Variants in CASS4 observed in about 807,000 individuals in gnomAD.
CASS4 encodes Cas scaffold protein family member 4.
CASS4 carries 22 observed loss-of-function variants against 54.2 expected under a neutral mutation model. The observed-to-expected ratio is 0.41, with a 90% CI of 0.29 to 0.58. CASS4 has a LOEUF of 0.58. Among genes scored for constraint, CASS4 ranks in the 20% least tolerant of loss-of-function variants. CASS4 has a pLI of 0.36. For missense variants in CASS4, 854 were observed against 986.7 expected, an observed-to-expected ratio of 0.87 and a Z score of 1.80; for synonymous variants, 409 against 391.5, an observed-to-expected ratio of 1.04 and a Z score of -0.53.
At chr20:56,436,334 A>ATG (rs1188295800) in intron 1 of CASS4, among the ~76,000 whole-genome samples, 95 of 138,752 alleles carry the variant, frequency 6.8e-4, no homozygotes, top group Middle Eastern at 3.6e-3. Context: ...ATTGCTATAT[A>ATG]TATGTGTGTG....
chr20:56,432,623 C>A (rs527370269), intron 1 of CASS4, among the ~76,000 whole-genome samples: 7 of 152,146 alleles, frequency 4.6e-5, no homozygotes, highest in Non-Finnish European at 1.0e-4. Flanking sequence ...ACGCTTTGGC[C>A]TCCCAAAATG....
intron 3 of CASS4, among the ~76,000 whole-genome samples, chr20:56,448,182 G>A (rs1354630257): frequency 6.6e-6 from 1 of 151,470 alleles, no homozygotes; most frequent in African/African-American, 2.4e-5. Context: ...AGACACACTT[G>A]TATGACTCAT....
At chr20:56,428,220 C>T (rs1021323900) in intron 1 of CASS4, among the ~76,000 whole-genome samples, 2 of 152,144 alleles carry the variant, frequency 1.3e-5, no homozygotes, top group African/African-American at 4.8e-5. Flanking sequence ...GTCAGGCGGG[C>T]TGTGAAAGAT....
In CASS4 at chr20:56,441,758, A is replaced by T. The variant is rs147762913; in HGVS notation, c.460-4142A>T. 8.8e-4 allele frequency among the ~76,000 whole-genome samples: 134 copies of T among 151,994 alleles called. 2 individuals carry two copies. The East Asian group carries it at 0.022, about 25-fold the overall frequency. On this transcript the variant is annotated intron_variant, in intron 2 of 5. Transcript: ENST00000679887. ...ACTGGGTGATTGGGGACCTCCCAACACCCTTTGTGTTTCTCCTTCCTCCTC... is the reference window on the plus strand; with the variant it reads ...ACTGGGTGATTGGGGACCTCCCAACTCCCTTTGTGTTTCTCCTTCCTCCTC...
intron 1 of CASS4, among the ~76,000 whole-genome samples, chr20:56,415,947 T>C (rs1180492710): frequency 1.3e-5 from 2 of 152,258 alleles, no homozygotes; most frequent in Non-Finnish European, 2.9e-5. Flanking sequence ...ATATTAGTGA[T>C]AGGAAACACT....
chr20:56,451,699 G>A, intron 4 of CASS4, 120 bp from the exon 5 acceptor site: 1 of 728,024 alleles, frequency 1.4e-6, no homozygotes, highest in Non-Finnish European at 2.3e-6. Context: ...AGGACCTTGA[G>A]TGGTAACAGA....
intron 2 of CASS4, among the ~76,000 whole-genome samples, chr20:56,440,164 C>G (rs1325512646): frequency 6.6e-6 from 1 of 152,178 alleles, no homozygotes; most frequent in African/African-American, 2.4e-5. Context: ...CTACAAACAC[C>G]AGGAGGAAGC....
intron 2 of CASS4, among the ~76,000 whole-genome samples, chr20:56,438,030 C>G (rs1456501838): frequency 6.6e-6 from 1 of 152,118 alleles, no homozygotes; most frequent in Admixed American, 6.5e-5. Flanking sequence ...TTACACCTAT[C>G]TATATTCCCA....
intron 3 of CASS4, among the ~76,000 whole-genome samples, chr20:56,448,725 C>G (rs936326538): frequency 6.6e-6 from 1 of 152,122 alleles, no homozygotes; most frequent in African/African-American, 2.4e-5. Flanking sequence ...GAATTTGTAA[C>G]CTGTTTTTTG....
At chr20:56,412,210 G>A, upstream of CASS4, 2 of 510,160 alleles carry the variant, frequency 3.9e-6, no homozygotes, top group East Asian at 7.1e-5. The surrounding 1 kb of genome is among the most constrained non-coding windows in gnomAD (Gnocchi z 4.2). Context: ...GTCAGGCATT[G>A]AGACGTGAGT....
chr20:56,456,324 T>A (rs769672311), intron 5 of CASS4, among the ~76,000 whole-genome samples: 3 of 152,132 alleles, frequency 2.0e-5, no homozygotes, highest in Non-Finnish European at 2.9e-5. Context: ...TATTTTCACT[T>A]AAGATGCTCA....
intron 1 of CASS4, among the ~76,000 whole-genome samples, chr20:56,436,672 C>T (rs1346443335): frequency 1.3e-5 from 2 of 152,066 alleles, no homozygotes; most frequent in Non-Finnish European, 2.9e-5. Context: ...AAAACAGGGC[C>T]ATGACCCAGG....
At chr20:56,440,223 T>G (rs1238358628) in intron 2 of CASS4, among the ~76,000 whole-genome samples, 1 of 152,166 alleles carries the variant, frequency 6.6e-6, no homozygotes, top group African/African-American at 2.4e-5. Context: ...AACTCTCTTT[T>G]CTGGAACAAC....
intron 1 of CASS4, among the ~76,000 whole-genome samples, chr20:56,428,066 A>G (rs1309041800): frequency 2.0e-5 from 3 of 152,170 alleles, no homozygotes; most frequent in African/African-American, 4.8e-5. Flanking sequence ...ACCTCCCACT[A>G]TGGACTGGTG....
rs935959013 is a variant in CASS4 at position 56,430,129 on chromosome 20, C to G, written c.37-7035C>G. ...AATGAATGAATTGCTCCCCAGATTT[C>G]TCCAAGTGCAGCTAAGACCACTGTA... On this transcript the variant is annotated intron_variant, in intron 1 of 5. Coordinates refer to ENST00000679887, the MANE Select transcript of CASS4 (RefSeq NM_020356.4). The surrounding 1 kb of genome is among the most constrained non-coding windows in gnomAD (Gnocchi z 4.2). 1.3e-5 allele frequency among the ~76,000 whole-genome samples: 2 copies of G among 152,220 alleles called. No individual in the cohort carries two copies. The highest frequency in any genetic ancestry group is 4.8e-5 in the African/African-American group (2 of 41,442).
chr20:56,449,861 G>C (rs951903854), intron 3 of CASS4, among the ~76,000 whole-genome samples: 2 of 151,978 alleles, frequency 1.3e-5, no homozygotes, highest in African/African-American at 4.8e-5. Flanking sequence ...AAATATGAAT[G>C]ATAAAACAGG....
rs35360819 is a variant in CASS4, at chr20:56,437,405, G to A, written c.278G>A (p.Ser93Asn). The change falls in exon 2 of 6, where the codon AGC becomes AAC. Residue 93 changes from serine (S) to asparagine (N), a missense_variant. Coordinates refer to ENST00000679887, the MANE Select transcript of CASS4 (RefSeq NM_020356.4). This position sits in a 1 kb window ranked among gnomAD's most constrained non-coding sequence, Gnocchi z 4.7. ...FLRGLEEAPA[S>N]SEETYQVPTL... Reference sequence around the variant, plus strand: ...AGAGGCCTGGAAGAAGCTCCTGCCAGCTCAGAGGAGACCTATCAGGTGCCC... The same window carrying A: ...AGAGGCCTGGAAGAAGCTCCTGCCAACTCAGAGGAGACCTATCAGGTGCCC... 19,153 of 1,614,014 alleles carry A rather than the reference G, an allele frequency of 0.012. 142 individuals are homozygous for A. Among genetic ancestry groups the A allele is most frequent in the Non-Finnish European group, 0.014 (16,776 of 1,179,910 alleles).
intron 1 of CASS4, among the ~76,000 whole-genome samples, chr20:56,420,759 A>G (rs923886799): frequency 9.2e-5 from 14 of 152,104 alleles, no homozygotes; most frequent in African/African-American, 3.4e-4. Flanking sequence ...GTCAGTAATC[A>G]ATAACAAACA....
chr20:56,450,510 GA>G, intron 3 of CASS4, 88 bp from the exon 4 acceptor site: 3 of 1,233,580 alleles, frequency 2.4e-6, no homozygotes, highest in Non-Finnish European at 2.3e-6. Context: ...TCTTCCTTTG[GA>G]AAAAAACACT....
Sources: gnomAD v4.1 joint callset for allele counts (sites outside exome capture counted in the v4.1 genomes callset) on GRCh38, gnomAD v4.1.1 for gene constraint, Gnocchi (gnomAD v3.1) non-coding constraint, MANE v1.5 for transcripts, NCBI Gene and HGNC (gene_info 2026-07-23, HGNC 2026-07-21) for gene names.